Variants in LARGE1 observed in about 807,000 individuals in gnomAD.
LARGE1 encodes the protein LARGE xylosyl- and glucuronyltransferase 1, also known as xylosyl- and glucuronyltransferase LARGE1.
In LARGE1, 43 loss-of-function variants were observed where a neutral mutation model predicts 87.6. The observed-to-expected ratio is 0.49, with a 90% confidence interval of 0.38 to 0.63. The LOEUF is 0.63. LARGE1 is among the 30% of genes least tolerant of loss of function. The probability of loss-of-function intolerance (pLI) is 0.00; values close to 1 mark genes in which losing one functional copy is unlikely to be tolerated. For synonymous variants in LARGE1, 434 were observed against 394.6 expected (o/e 1.10, Z -1.18); for missense variants, 802 against 1,000.2 (o/e 0.80, Z 2.67).
chr22:33,627,008 GGAGT>G (rs1462363996), intron 3 of LARGE1, among the ~76,000 whole-genome samples: 1 of 152,190 alleles, frequency 6.6e-6, no homozygotes, highest in Non-Finnish European at 1.5e-5. Flanking sequence ...ATGGTGCTAA[GGAGT>G]GAGGGAACAA....
At chr22:33,257,539 C>T (rs1244184305) in intron 11 of LARGE1, among the ~76,000 whole-genome samples, 1 of 152,160 alleles carries the variant, frequency 6.6e-6, no homozygotes, top group Admixed American at 6.5e-5. Context: ...GCCATTTTCT[C>T]TTGGCTGTGA....
chr22:33,295,884 G>A (rs908455170), intron 12 of LARGE1, among the ~76,000 whole-genome samples: 6 of 152,224 alleles, frequency 3.9e-5, no homozygotes, highest in Non-Finnish European at 7.3e-5. Flanking sequence ...TCCTTAATGG[G>A]TGGCATTAAC....
At chr22:33,240,506 C>T (rs1476999579) in intron 11 of LARGE1, among the ~76,000 whole-genome samples, 1 of 152,174 alleles carries the variant, frequency 6.6e-6, no homozygotes, top group Non-Finnish European at 1.5e-5. Flanking sequence ...GTGGGTGCAT[C>T]TCCAGACTAC....
At chr22:33,398,486 G>C (rs1489574389) in intron 7 of LARGE1, among the ~76,000 whole-genome samples, 1 of 152,154 alleles carries the variant, frequency 6.6e-6, no homozygotes, top group Non-Finnish European at 1.5e-5. Flanking sequence ...AGACTCACTT[G>C]CCGAACTAGA....
At chr22:33,236,803 T>C (rs58930195) in intron 11 of LARGE1, among the ~76,000 whole-genome samples, 32,050 of 152,070 alleles carry the variant, frequency 0.21, 3,685 homozygotes, top group South Asian at 0.32. Flanking sequence ...TGAGTAGATG[T>C]GGCAGCTACC....
At chr22:33,888,739 C>T (rs886978068) in intron 1 of LARGE1, among the ~76,000 whole-genome samples, 1 of 152,038 alleles carries the variant, frequency 6.6e-6, no homozygotes, top group African/African-American at 2.4e-5. Flanking sequence ...TGCCTGTAAT[C>T]CCAGCTACTC....
At chr22:33,440,502 CCTGA>C (rs1291458964) in intron 6 of LARGE1, among the ~76,000 whole-genome samples, 1 of 152,170 alleles carries the variant, frequency 6.6e-6, no homozygotes, top group African/African-American at 2.4e-5. Flanking sequence ...CAGAGGCTGC[CCTGA>C]CTGTCAGCAG....
At chr22:33,681,472 G>T (rs2081770102) in intron 2 of LARGE1, among the ~76,000 whole-genome samples, 1 of 152,134 alleles carries the variant, frequency 6.6e-6, no homozygotes, top group Non-Finnish European at 1.5e-5. Flanking sequence ...CTGTTAAATA[G>T]AATACTAACA....
chr22:33,138,726 G>A, the LARGE1 span, among the ~76,000 whole-genome samples: 1 of 152,166 alleles, frequency 6.6e-6, no homozygotes, highest in African/African-American at 2.4e-5. Flanking sequence ...TTGCAGGCAC[G>A]AGCCACCACA....
intron 11 of LARGE1, among the ~76,000 whole-genome samples, chr22:33,173,893 G>A (rs192682635): frequency 0.012 from 1,761 of 152,208 alleles, 17 homozygotes; most frequent in Non-Finnish European, 0.018. Flanking sequence ...ATAATAATGG[G>A]AGATTTTAAC....
intron 1 of LARGE1, among the ~76,000 whole-genome samples, chr22:33,871,001 G>C (rs2064262417): frequency 6.6e-6 from 1 of 152,208 alleles, no homozygotes; most frequent in Non-Finnish European, 1.5e-5. Flanking sequence ...ACTATAACCA[G>C]AACAGTGTCT....
chr22:33,310,584 G>A (rs907513849), intron 11 of LARGE1, among the ~76,000 whole-genome samples: 3 of 152,154 alleles, frequency 2.0e-5, no homozygotes, highest in African/African-American at 7.2e-5. Flanking sequence ...ATTCGTTGTG[G>A]CATTCACGTA....
intron 5 of LARGE1, 37 bp downstream of exon 5, chr22:33,604,398 G>T: frequency 6.2e-7 from 1 of 1,613,596 alleles, no homozygotes; most frequent in South Asian, 1.1e-5. Context: ...CTTCCAGCTA[G>T]AGGAGATCAC....
At chr22:33,156,207 G>T in the LARGE1 span, among the ~76,000 whole-genome samples, 1 of 152,186 alleles carries the variant, frequency 6.6e-6, no homozygotes, top group Non-Finnish European at 1.5e-5. Flanking sequence ...TAGTGGAGCT[G>T]TGAGAAGAGG....
At chr22:33,244,155 AT>A (rs545378643) in intron 11 of LARGE1, among the ~76,000 whole-genome samples, 2,766 of 145,388 alleles carry the variant, frequency 0.019, 24 homozygotes, top group East Asian at 0.029. Context: ...AGCCCAGCTA[AT>A]TTTTTTTTTT....
At chr22:33,502,234 G>A (rs1432646065) in intron 6 of LARGE1, among the ~76,000 whole-genome samples, 1 of 151,614 alleles carries the variant, frequency 6.6e-6, no homozygotes, top group African/African-American at 2.4e-5. Flanking sequence ...ATCTGGACAG[G>A]TGACACACTC....
intron 11 of LARGE1, among the ~76,000 whole-genome samples, chr22:33,207,692 T>C (rs185570699): frequency 6.6e-6 from 1 of 152,176 alleles, no homozygotes; most frequent in African/African-American, 2.4e-5. Flanking sequence ...CATTGCTCTA[T>C]TTCTTTCTTT....
chr22:33,348,167 A>T (rs1048162644), intron 9 of LARGE1, among the ~76,000 whole-genome samples: 3 of 152,068 alleles, frequency 2.0e-5, no homozygotes, highest in Non-Finnish European at 4.4e-5. Context: ...GGCACTTTAA[A>T]TTGGGTTTAA....
At chr22:33,173,597 T>G (rs1922697120) in intron 11 of LARGE1, among the ~76,000 whole-genome samples, 1 of 151,260 alleles carries the variant, frequency 6.6e-6, no homozygotes, top group African/African-American at 2.4e-5. Flanking sequence ...GAGACCCATC[T>G]CACATGCAAA....
Sources: allele counts gnomAD v4.1 joint callset (sites outside exome capture counted in the v4.1 genomes callset), GRCh38; gene constraint gnomAD v4.1.1; transcripts MANE v1.5; gene names NCBI Gene and HGNC (gene_info 2026-07-23, HGNC 2026-07-21).